Variants in CSMD3 observed in about 807,000 individuals in gnomAD.
CSMD3 encodes CUB and Sushi multiple domains 3.
CSMD3 carries 177 observed loss-of-function variants against 435.2 expected under a neutral mutation model. That is an observed-to-expected ratio of 0.41 (90% CI 0.36 to 0.46). CSMD3 has a LOEUF of 0.46. CSMD3 is among the 20% of genes least tolerant of loss of function. CSMD3 has a pLI of 0.34. For synonymous variants in CSMD3, 1,656 were observed against 1,520.5 expected (o/e 1.09, Z -2.07); for missense variants, 4,265 against 4,504.6 (o/e 0.95, Z 1.52).
chr8:113,168,536 A>AAAAAAAAC (rs2092204284), intron 4 of CSMD3, among the ~76,000 whole-genome samples: 2 of 149,718 alleles, frequency 1.3e-5, no homozygotes, highest in South Asian at 2.1e-4. Flanking sequence ...AAAAAAAAAA[A>AAAAAAAAC]AAAAAAAAAA....
At chr8:112,873,929 T>C (rs1425409663) in intron 10 of CSMD3, among the ~76,000 whole-genome samples, 1 of 152,146 alleles carries the variant, frequency 6.6e-6, no homozygotes, top group Non-Finnish European at 1.5e-5. Flanking sequence ...GCTGTGATCT[T>C]AGTTATTTCT....
chr8:112,362,803 C>G (rs2131128828), intron 38 of CSMD3, among the ~76,000 whole-genome samples: 1 of 151,988 alleles, frequency 6.6e-6, no homozygotes. Context: ...ATATATTTTA[C>G]CAATTCATTA....
intron 5 of CSMD3, among the ~76,000 whole-genome samples, chr8:113,095,279 A>C (rs1332764074): frequency 1.3e-5 from 2 of 152,144 alleles, no homozygotes; most frequent in Non-Finnish European, 2.9e-5. Flanking sequence ...TTTTATAATA[A>C]GCTCCAAAAA....
chr8:113,064,042 G>A (rs1405483512), intron 5 of CSMD3, among the ~76,000 whole-genome samples: 3 of 150,916 alleles, frequency 2.0e-5, no homozygotes, highest in South Asian at 2.1e-4. Context: ...TAAAGGACTC[G>A]CCTAAAATTC....
Position 112,314,488 on chromosome 8 carries a change from G to A in CSMD3, c.7490C>T (p.Thr2497Ile), listed in dbSNP as rs777625906. The A allele has an allele frequency of 6.2e-7, 1 of 1,612,456 alleles. No homozygotes were observed. Among genetic ancestry groups the A allele is most frequent in the South Asian group, 1.1e-5 (1 of 91,064 alleles). ...SISVEKGYNITMFVEFFQTEK... is the reference protein window; with the variant it reads ...SISVEKGYNIIMFVEFFQTEK... Reference sequence around the variant, plus strand: ...TGTCTGGAAGAATTCTACAAACATGGTGATATTATAACCCTTTTCCACTGA... The same window carrying A: ...TGTCTGGAAGAATTCTACAAACATGATGATATTATAACCCTTTTCCACTGA... Residue 2497 changes from threonine to isoleucine, a missense_variant, in exon 48 of 71, where the codon ACC becomes ATC. Physicochemically the swap from Thr to Ile is moderately conservative, Grantham distance 89 (BLOSUM62 -1). This residue lies in a region of CSMD3 where 3,255 missense variants were observed against 3,380.2 expected (regional missense o/e 0.96). Transcript: ENST00000297405.
chr8:113,332,676 A>T (rs1254218220), intron 1 of CSMD3, among the ~76,000 whole-genome samples: 1 of 151,712 alleles, frequency 6.6e-6, no homozygotes, highest in Admixed American at 6.6e-5. Context: ...AGAAGGCAAC[A>T]TTTTCAAGAG....
Position 112,228,909 on chromosome 8 carries a change from A to C in CSMD3, c.10829-18T>G. ...ATTCAGTCCTACAAAATAAAAAATA[A>C]ATTATAAATACACAACTCTTTTATC... is the stretch of plus-strand genomic sequence containing the variant. On this transcript the variant is annotated intron_variant, in intron 69 of 70. Coordinates refer to ENST00000297405, the MANE Select transcript of CSMD3 (RefSeq NM_198123.2). 1 of 1,268,002 alleles carries C rather than the reference A, an allele frequency of 7.9e-7. No homozygotes were observed. Among genetic ancestry groups the C allele is most frequent in the South Asian group, 1.2e-5 (1 of 81,588 alleles). 78.5% of individuals were successfully genotyped at this position (1,268,002 alleles called of 1,614,324 possible).
intron 37 of CSMD3, among the ~76,000 whole-genome samples, chr8:112,381,433 C>T (rs1829452527): frequency 6.6e-6 from 1 of 152,148 alleles, no homozygotes; most frequent in Non-Finnish European, 1.5e-5. Flanking sequence ...TTGACTCCAC[C>T]TCTAGCAGTT....
intron 13 of CSMD3, among the ~76,000 whole-genome samples, chr8:112,776,974 G>T (rs1304463678): frequency 6.6e-6 from 1 of 151,646 alleles, no homozygotes; most frequent in East Asian, 1.9e-4. Context: ...TGTGGCTCTG[G>T]ATAGAATGAT....
chr8:113,088,060 G>A (rs1186715603), intron 5 of CSMD3, among the ~76,000 whole-genome samples: 2 of 148,936 alleles, frequency 1.3e-5, no homozygotes, highest in African/African-American at 5.0e-5. Flanking sequence ...GACATGAACA[G>A]ACACTTCTCA....
intron 25 of CSMD3, among the ~76,000 whole-genome samples, chr8:112,556,408 T>G (rs1828123142): frequency 6.6e-6 from 1 of 151,936 alleles, no homozygotes; most frequent in African/African-American, 2.4e-5. Context: ...AGGTAATAAT[T>G]TTGTAAATTA....
chr8:113,346,056 T>C (rs894479072), intron 1 of CSMD3, among the ~76,000 whole-genome samples: 4 of 152,242 alleles, frequency 2.6e-5, no homozygotes, highest in African/African-American at 9.6e-5. Flanking sequence ...CACCCATGTT[T>C]CAGCCCTTTT....
intron 11 of CSMD3, among the ~76,000 whole-genome samples, chr8:112,854,345 C>T (rs1358708496): frequency 1.3e-5 from 2 of 152,106 alleles, no homozygotes; most frequent in South Asian, 2.1e-4. Flanking sequence ...TATGCAATTA[C>T]TTATCTTTTG....
chr8:112,360,701 G>T (rs1827110779), intron 38 of CSMD3, among the ~76,000 whole-genome samples: 1 of 151,816 alleles, frequency 6.6e-6, no homozygotes, highest in South Asian at 2.1e-4. Context: ...ATTAGTACTA[G>T]CAGAAAATTT....
At chr8:112,632,183 C>G (rs2074533001) in intron 22 of CSMD3, among the ~76,000 whole-genome samples, 1 of 152,006 alleles carries the variant, frequency 6.6e-6, no homozygotes, top group Non-Finnish European at 1.5e-5. Context: ...AGAGAAGTTA[C>G]AATGATAGTA....
At chr8:113,346,372 T>A (rs948699206) in intron 1 of CSMD3, among the ~76,000 whole-genome samples, 6 of 152,096 alleles carry the variant, frequency 3.9e-5, no homozygotes, top group Admixed American at 2.0e-4. Context: ...GTAAGATGAA[T>A]GAACTTAAAA....
intron 27 of CSMD3, among the ~76,000 whole-genome samples, chr8:112,548,036 GT>G (rs1269095198): frequency 6.6e-6 from 1 of 152,144 alleles, no homozygotes; most frequent in African/African-American, 2.4e-5. Flanking sequence ...TTGACCCACG[GT>G]AGTTGTTTAG....
chr8:112,291,430 A>T, intron 56 of CSMD3, 80 bp downstream of exon 56: 1 of 934,542 alleles, frequency 1.1e-6, no homozygotes, highest in Non-Finnish European at 1.7e-6. Context: ...ATATATCTTT[A>T]GGTCATTTTA....
chr8:112,225,474 A>T (rs1812479335), intron 70 of CSMD3, among the ~76,000 whole-genome samples: 1 of 152,162 alleles, frequency 6.6e-6, no homozygotes, highest in South Asian at 2.1e-4. Context: ...GATGAAAAGG[A>T]AAATGGTTAA....
Sources: allele counts gnomAD v4.1 joint callset (sites outside exome capture counted in the v4.1 genomes callset), GRCh38; gene constraint gnomAD v4.1.1; regional missense constraint gnomAD v4.1.1; transcripts MANE v1.5; gene names NCBI Gene and HGNC (gene_info 2026-07-23, HGNC 2026-07-21).